ELF1: variants seen among roughly 807,000 people sequenced by gnomAD.
ELF1 encodes E74 like ETS transcription factor 1.
A neutral mutation model predicts 59.9 loss-of-function variants in ELF1; 24 were observed. The ratio of observed to expected loss-of-function variants is 0.40; its 90% confidence interval spans 0.29 to 0.56. The LOEUF (loss-of-function observed/expected upper bound fraction) is 0.56. ELF1 is among the 20% of genes least tolerant of loss of function. ELF1 has a pLI of 0.44. For synonymous variants in ELF1, 248 were observed against 266.2 expected, an observed-to-expected ratio of 0.93 and a Z score of 0.67; for missense variants, 627 against 742.2, an observed-to-expected ratio of 0.84 and a Z score of 1.80.
At chr13:41,049,272 G>A (rs182050623) in intron 1 of ELF1, among the ~76,000 whole-genome samples, 1 of 152,192 alleles carries the variant, frequency 6.6e-6, no homozygotes, top group East Asian at 1.9e-4. Flanking sequence ...ATTCTCTTAA[G>A]TTCACCCTTT....
intron 1 of ELF1, among the ~76,000 whole-genome samples, chr13:40,985,481 T>C (rs1873503704): frequency 6.6e-6 from 1 of 152,182 alleles, no homozygotes; most frequent in South Asian, 2.1e-4. Flanking sequence ...AAAACTGTAA[T>C]ATACAGCTGG....
At chr13:41,039,148 C>T (rs1369216565) in intron 1 of ELF1, among the ~76,000 whole-genome samples, 1 of 151,676 alleles carries the variant, frequency 6.6e-6, no homozygotes, top group Non-Finnish European at 1.5e-5. Flanking sequence ...ATCTGTAATC[C>T]CAGCACTTTG....
chr13:41,024,611 A>G (rs1399212135), intron 1 of ELF1, among the ~76,000 whole-genome samples: 1 of 152,130 alleles, frequency 6.6e-6, no homozygotes, highest in Non-Finnish European at 1.5e-5. Context: ...TCCTGAGCTC[A>G]AGCGATCCGC....
intron 1 of ELF1, among the ~76,000 whole-genome samples, chr13:41,045,951 C>A (rs1049267440): frequency 4.6e-5 from 7 of 152,118 alleles, no homozygotes; most frequent in African/African-American, 1.7e-4. Flanking sequence ...GGACTTGCTT[C>A]ATGAATCTGG....
chr13:40,991,275 G>A (rs1873839029), intron 1 of ELF1, among the ~76,000 whole-genome samples: 2 of 152,160 alleles, frequency 1.3e-5, no homozygotes. Flanking sequence ...AAGGAAATCT[G>A]AATAAAGTAT....
intron 1 of ELF1, among the ~76,000 whole-genome samples, chr13:40,993,639 C>T (rs768793682): frequency 5.3e-5 from 8 of 152,010 alleles, no homozygotes; most frequent in Non-Finnish European, 8.8e-5. Flanking sequence ...TACTACCACA[C>T]CTGACTAATT....
At chr13:40,979,641 C>CATCACACAA (rs2138264444) in intron 2 of ELF1, among the ~76,000 whole-genome samples, 1 of 152,234 alleles carries the variant, frequency 6.6e-6, no homozygotes, top group Non-Finnish European at 1.5e-5. Flanking sequence ...GTAGAATCAA[C>CATCACACAA]ATACACACAA....
chr13:41,040,332 G>T (rs192485407), intron 1 of ELF1, among the ~76,000 whole-genome samples: 9 of 152,276 alleles, frequency 5.9e-5, no homozygotes, highest in Admixed American at 5.9e-4. Flanking sequence ...AATGGTACAG[G>T]TATGGAAAAA....
chr13:41,031,197 A>C (rs1408371683), intron 1 of ELF1, among the ~76,000 whole-genome samples: 2 of 151,552 alleles, frequency 1.3e-5, no homozygotes, highest in African/African-American at 2.4e-5. Context: ...AAAAGAAAAG[A>C]AAAGCAGTAC....
Position 40,943,906 on chromosome 13 carries a change from T to C in ELF1, c.549A>G (p.Pro183=), listed in dbSNP as rs756342614. Reference sequence around the variant, plus strand: ...GCGTAGTGGCTGGGGAATCTGGTCGTGGTGGTTTAGTTTTTCTTCCTGAAA... The same window carrying C: ...GCGTAGTGGCTGGGGAATCTGGTCGCGGTGGTTTAGTTTTTCTTCCTGAAA... ...KRKKGRKTKP[P]RPDSPATTPN... The change falls in exon 6 of 9, where the codon CCA becomes CCG. Residue 183 remains proline (P), a synonymous_variant. Transcript: ENST00000239882. The C allele has an allele frequency of 1.2e-6, 2 of 1,613,824 alleles. No individual in the cohort carries two copies. The highest frequency in any genetic ancestry group is 2.2e-5 in the South Asian group (2 of 91,056).
Position 40,982,643 on chromosome 13 carries a change from C to A in ELF1, c.-228-361G>T, listed in dbSNP as rs148906432. On this transcript the variant is annotated intron_variant, in intron 1 of 8. Transcript: ENST00000239882. ...AACAATTTCCTTCTTTTCACCAACT[C>A]AGCAAAGCACATACATAGAAACTGC... Among the ~76,000 whole-genome samples, 9 of 152,052 alleles carry A rather than the reference C, an allele frequency of 5.9e-5. No individual in the cohort carries two copies. The South Asian group carries it at 1.0e-3, about 18-fold the overall frequency.
At chr13:41,010,513 A>T (rs77153299) in intron 1 of ELF1, among the ~76,000 whole-genome samples, 1 of 132,442 alleles carries the variant, frequency 7.6e-6, no homozygotes, top group Non-Finnish European at 1.5e-5. Context: ...GTGTGTGTGC[A>T]CACTTTCCTT....
chr13:41,033,721 G>A (rs1876262672), intron 1 of ELF1, among the ~76,000 whole-genome samples: 1 of 152,206 alleles, frequency 6.6e-6, no homozygotes, highest in South Asian at 2.1e-4. Flanking sequence ...AGGTGGAACA[G>A]TTTCATCCTG....
chr13:41,032,849 T>A (rs1876221539), intron 1 of ELF1, among the ~76,000 whole-genome samples: 1 of 135,458 alleles, frequency 7.4e-6, no homozygotes, highest in African/African-American at 2.7e-5. Context: ...ACCTTGTTTC[T>A]AAAAAAAAAA....
chr13:41,057,334 A>G (rs1877324643), intron 1 of ELF1, among the ~76,000 whole-genome samples: 6 of 150,998 alleles, frequency 4.0e-5, no homozygotes, highest in Admixed American at 4.0e-4. Context: ...TTTTTTTTTA[A>G]TTTTATTTTT....
chr13:40,968,200 GAAACA>G lies in ELF1; in HGVS notation c.73-9189_73-9185del, dbSNP rs767204827. 1.1e-4 allele frequency among the ~76,000 whole-genome samples: 17 copies of G among 152,250 alleles called. No homozygotes were observed. The East Asian group carries it at 3.3e-3, about 29-fold the overall frequency. On this transcript the variant is annotated intron_variant, in intron 2 of 8. Transcript: ENST00000239882. ...AAAAGCAGAGGTCCATCTGATGGGA[GAAACA>G]AAACTTCAAAACATCTTCAAAATAC...
chr13:40,971,950 TG>T (rs68132266), intron 2 of ELF1, among the ~76,000 whole-genome samples: 83,608 of 149,794 alleles, frequency 0.56, 25,792 homozygotes, highest in Non-Finnish European at 0.68. Flanking sequence ...AGTTTTTTTT[TG>T]GGGGGGGGTA....
chr13:40,990,479 T>G (rs1873784854), intron 1 of ELF1, among the ~76,000 whole-genome samples: 1 of 152,190 alleles, frequency 6.6e-6, no homozygotes, highest in Non-Finnish European at 1.5e-5. Context: ...GAACCTAATA[T>G]CAGGGTTGAA....
chr13:40,959,826 T>C (rs1298793526), intron 2 of ELF1, among the ~76,000 whole-genome samples: 1 of 152,180 alleles, frequency 6.6e-6, no homozygotes, highest in Non-Finnish European at 1.5e-5. Flanking sequence ...TACAATTTAA[T>C]GTAAGTCAGC....
Sources: gnomAD v4.1 joint callset for allele counts (sites outside exome capture counted in the v4.1 genomes callset) on GRCh38, gnomAD v4.1.1 for gene constraint, MANE v1.5 for transcripts, NCBI Gene and HGNC (gene_info 2026-07-23, HGNC 2026-07-21) for gene names.